GPHN: variants seen among roughly 807,000 people sequenced by gnomAD.
The protein encoded by GPHN is gephyrin.
A neutral mutation model predicts 95.5 loss-of-function variants in GPHN; 17 were observed. The observed-to-expected ratio is 0.18, with a 90% CI of 0.12 to 0.27. GPHN has a LOEUF of 0.27. Ranked by LOEUF, GPHN falls within the 10% of genes least tolerant of loss-of-function variation. The pLI is 1.00. For synonymous variants in GPHN, 320 were observed against 322.5 expected (o/e 0.99, Z 0.08); for missense variants, 660 against 978.1 (o/e 0.67, Z 4.34).
At chr14:66,826,011 G>A (rs1596036845) in intron 4 of GPHN, among the ~76,000 whole-genome samples, 2 of 152,224 alleles carry the variant, frequency 1.3e-5, no homozygotes, top group East Asian at 3.9e-4. Flanking sequence ...TTTGGGTGCT[G>A]TCTTAAGTGT....
chr14:66,697,644 A>G (rs951232730), intron 2 of GPHN, among the ~76,000 whole-genome samples: 2 of 150,002 alleles, frequency 1.3e-5, no homozygotes, highest in Non-Finnish European at 2.9e-5. Context: ...CCACAGGTCA[A>G]ATCTGGCCTG....
At chr14:67,345,639 G>C in the GPHN span, 2 of 584,162 alleles carry the variant, frequency 3.4e-6, no homozygotes, top group Admixed American at 6.5e-5. Context: ...TATTATGTTT[G>C]CTTTACATAG....
At chr14:67,019,699 A>G (rs1358677968) in intron 9 of GPHN, among the ~76,000 whole-genome samples, 2 of 152,130 alleles carry the variant, frequency 1.3e-5, no homozygotes, top group Admixed American at 1.3e-4. Context: ...TTGTACCCCC[A>G]CTAACTGGTG....
intron 4 of GPHN, among the ~76,000 whole-genome samples, chr14:66,873,228 G>A (rs565814464): frequency 7.2e-4 from 109 of 152,266 alleles, no homozygotes; most frequent in Admixed American, 6.5e-3. Flanking sequence ...TGTGCATTCC[G>A]GCCCAGATAC....
chr14:66,664,787 T>C (rs1388445709), intron 1 of GPHN, among the ~76,000 whole-genome samples: 1 of 151,614 alleles, frequency 6.6e-6, no homozygotes, highest in Non-Finnish European at 1.5e-5. Flanking sequence ...AAGGTGGATA[T>C]TACGATTGTC....
At chr14:67,326,819 G>C in the GPHN span, among the ~76,000 whole-genome samples, 198 of 152,300 alleles carry the variant, frequency 1.3e-3, no homozygotes, top group Non-Finnish European at 2.1e-3. Flanking sequence ...TTAATGCTGA[G>C]TAATATACTA....
At position 66,930,053 on chromosome 14, in the gene GPHN, A is replaced by C. The variant is rs911084771; in HGVS notation, c.828+5761A>C. On this transcript the variant is annotated intron_variant, in intron 8 of 22. Coordinates refer to ENST00000478722, the MANE Select transcript of GPHN (RefSeq NM_020806.5). ...TAAGTGAAGTGTGTTTCTTGTGACCAACAGATTGTTAGGTCTTGTTTTCTA... is the reference window on the plus strand; with the variant it reads ...TAAGTGAAGTGTGTTTCTTGTGACCCACAGATTGTTAGGTCTTGTTTTCTA... 3.9e-5 allele frequency among the ~76,000 whole-genome samples: 6 copies of C among 152,170 alleles called. No homozygotes were observed. In the East Asian group the frequency reaches 9.6e-4, roughly 24 times the overall value.
the GPHN span, chr14:67,382,535 C>T: frequency 6.2e-7 from 1 of 1,613,894 alleles, no homozygotes; most frequent in Non-Finnish European, 8.5e-7. Flanking sequence ...CAAGCTATGG[C>T]TGTTATCAAA....
chr14:67,144,286 TACACAC>T (rs1555502099), intron 18 of GPHN, among the ~76,000 whole-genome samples: 2 of 78,126 alleles, frequency 2.6e-5, no homozygotes, highest in African/African-American at 1.3e-4. Context: ...TATATATATA[TACACAC>T]ACACATACAC....
chr14:66,747,558 G>A (rs539174236), intron 2 of GPHN, among the ~76,000 whole-genome samples: 6 of 151,746 alleles, frequency 4.0e-5, no homozygotes, highest in African/African-American at 1.4e-4. Flanking sequence ...GATAGGCAGA[G>A]CTCCTTCTCA....
chr14:66,704,656 A>G (rs1284613011), intron 2 of GPHN, among the ~76,000 whole-genome samples: 2 of 152,294 alleles, frequency 1.3e-5, no homozygotes, highest in South Asian at 2.1e-4. Flanking sequence ...GTACACAGCT[A>G]AAGAAGTGTG....
chr14:67,196,764 GATC>G, the GPHN span: 2 of 152,176 alleles, frequency 1.3e-5, no homozygotes, highest in African/African-American at 4.8e-5. Context: ...CCACGGTGAG[GATC>G]ATCAACAACA....
At chr14:67,477,670 A>G in the GPHN span, among the ~76,000 whole-genome samples, 1 of 152,142 alleles carries the variant, frequency 6.6e-6, no homozygotes, top group Non-Finnish European at 1.5e-5. Flanking sequence ...TATGCCTGTA[A>G]TCCTAGCACT....
At chr14:67,600,200 C>G in the GPHN span, 1 of 1,573,290 alleles carries the variant, frequency 6.4e-7, no homozygotes, top group Non-Finnish European at 8.6e-7. Context: ...CGCTCATCCT[C>G]CATGACGCCC....
chr14:67,707,498 A>G, the GPHN span, among the ~76,000 whole-genome samples: 46 of 151,844 alleles, frequency 3.0e-4, 1 homozygote, highest in African/African-American at 1.1e-3. Context: ...GCGTGATCTC[A>G]GCTCACTGCA....
chr14:66,690,221 G>T (rs2067680296), intron 2 of GPHN, among the ~76,000 whole-genome samples: 1 of 151,610 alleles, frequency 6.6e-6, no homozygotes, highest in Non-Finnish European at 1.5e-5. Flanking sequence ...ATATTTTTTG[G>T]TATGTTGTGT....
chr14:67,490,856 A>G, the GPHN span, among the ~76,000 whole-genome samples: 1 of 152,074 alleles, frequency 6.6e-6, no homozygotes, highest in East Asian at 1.9e-4. Flanking sequence ...TCTCACACTC[A>G]AAGCAGAACA....
At chr14:66,733,671 A>G (rs2072002935) in intron 2 of GPHN, among the ~76,000 whole-genome samples, 1 of 152,220 alleles carries the variant, frequency 6.6e-6, no homozygotes, top group Non-Finnish European at 1.5e-5. Flanking sequence ...AAAGACTAAC[A>G]TAATTCCTGA....
At chr14:67,003,335 T>A (rs904913415) in intron 9 of GPHN, among the ~76,000 whole-genome samples, 13 of 151,768 alleles carry the variant, frequency 8.6e-5, no homozygotes, top group African/African-American at 2.9e-4. Flanking sequence ...TAACTCTTAA[T>A]TAGCTGATAT....
Sources: gnomAD v4.1 joint callset for allele counts (sites outside exome capture counted in the v4.1 genomes callset) on GRCh38, gnomAD v4.1.1 for gene constraint, MANE v1.5 for transcripts, NCBI Gene and HGNC (gene_info 2026-07-23, HGNC 2026-07-21) for gene names.